CLIP2: variants seen among roughly 807,000 people sequenced by gnomAD.
CLIP2 encodes the protein CAP-Gly domain containing linker protein 2, also known as CAP-Gly domain-containing linker protein 2.
CLIP2 carries 41 observed loss-of-function variants against 111.7 expected under a neutral mutation model. That is an observed-to-expected ratio of 0.37 (90% CI 0.29 to 0.48). The LOEUF is 0.48. CLIP2 is among the 20% of genes least tolerant of loss of function. CLIP2 has a pLI of 0.99. For missense variants in CLIP2, 1,160 were observed against 1,422.1 expected (o/e 0.82, Z 2.96); for synonymous variants, 660 against 644.2 (o/e 1.02, Z -0.37).
rs370849725 is a variant in CLIP2, at chr7:74,375,958, C to A, written c.1557C>A (p.Ile519=). Residue 519 remains isoleucine (I), a synonymous_variant, in exon 10 of 17, where the codon ATC becomes ATA. Coordinates refer to ENST00000223398, the MANE Select transcript of CLIP2 (RefSeq NM_003388.5). Reference sequence around the variant, plus strand: ...AGCTCACCCTGCGCCGAGGTGAAATCGAGGAGCTCCAGCAGTGCCTGTTGC... The same window carrying A: ...AGCTCACCCTGCGCCGAGGTGAAATAGAGGAGCTCCAGCAGTGCCTGTTGC... ...EEELTLRRGE[I]EELQQCLLHS... 2.5e-6 allele frequency: 4 copies of A among 1,606,878 alleles called. No individual in the cohort carries two copies. The highest frequency in any genetic ancestry group is 1.3e-5 in the African/African-American group (1 of 74,770).
chr7:74,315,905 G>A (rs1554729086), intron 1 of CLIP2, among the ~76,000 whole-genome samples: 1 of 149,710 alleles, frequency 6.7e-6, no homozygotes, highest in East Asian at 2.0e-4. Flanking sequence ...TAAATTCTGG[G>A]ATACATGTGC....
intron 3 of CLIP2, among the ~76,000 whole-genome samples, chr7:74,351,927 G>T (rs940487948): frequency 5.1e-4 from 77 of 152,258 alleles, no homozygotes; most frequent in South Asian, 4.2e-4. Flanking sequence ...CCAGAAAACA[G>T]GAGCAAGCCC....
chr7:74,344,051 G>A (rs1789737783), intron 3 of CLIP2, among the ~76,000 whole-genome samples: 1 of 152,182 alleles, frequency 6.6e-6, no homozygotes, highest in African/African-American at 2.4e-5. Context: ...TGGAGGCTCT[G>A]GGGGTTACTG....
intron 1 of CLIP2, among the ~76,000 whole-genome samples, chr7:74,290,528 C>T (rs1787986160): frequency 6.6e-6 from 1 of 152,244 alleles, no homozygotes; most frequent in South Asian, 2.1e-4. Context: ...CCCAGCCCCA[C>T]CCTGGGAAGG....
chr7:74,329,953 A>C (rs1454942603), intron 2 of CLIP2, among the ~76,000 whole-genome samples: 1 of 151,322 alleles, frequency 6.6e-6, no homozygotes, highest in Non-Finnish European at 1.5e-5. Flanking sequence ...TAATTTTTGT[A>C]GTTTTAGTAG....
Position 74,386,079 on chromosome 7 carries a change from G to A in CLIP2, c.2480-442G>A, listed in dbSNP as rs565872745. 6.1e-4 allele frequency among the ~76,000 whole-genome samples: 76 copies of A among 124,850 alleles called. 1 individual carries two copies. In the Middle Eastern group the frequency reaches 0.019, roughly 31 times the overall value. The allele number at this position is 124,850 out of a possible 152,430, so 81.9% of individuals were successfully genotyped here. ...TTTTTTCTTTTTGAGACCGAGTCTC[G>A]CTGTGTCGCCCAGGCTGGAGTGCAA... On this transcript the variant is annotated intron_variant, in intron 11 of 16. Transcript: ENST00000223398.
chr7:74,304,517 C>T (rs1788423257), intron 1 of CLIP2, among the ~76,000 whole-genome samples: 2 of 149,130 alleles, frequency 1.3e-5, no homozygotes, highest in Non-Finnish European at 3.0e-5. Flanking sequence ...CAGAGGGAGA[C>T]TCTGACAAAA....
chr7:74,346,025 C>A (rs1789787803), intron 3 of CLIP2, among the ~76,000 whole-genome samples: 1 of 152,112 alleles, frequency 6.6e-6, no homozygotes, highest in African/African-American at 2.4e-5. Context: ...GTTGTCCAGG[C>A]TGGAGTGCAG....
chr7:74,299,871 A>G (rs2116454450), intron 1 of CLIP2, among the ~76,000 whole-genome samples: 1 of 148,346 alleles, frequency 6.7e-6, no homozygotes, highest in Admixed American at 6.8e-5. Context: ...CTAATTTTGT[A>G]TTTTTAGTAG....
chr7:74,377,960 C>G (rs561069282), intron 10 of CLIP2, among the ~76,000 whole-genome samples: 51 of 151,846 alleles, frequency 3.4e-4, no homozygotes, highest in Non-Finnish European at 2.5e-4. Flanking sequence ...CAAGTAGCTG[C>G]AATTACAGGC....
At chr7:74,349,447 AG>A (rs1789908437) in intron 3 of CLIP2, among the ~76,000 whole-genome samples, 1 of 75,746 alleles carries the variant, frequency 1.3e-5, no homozygotes, top group African/African-American at 4.9e-5. Context: ...AAAAAAAAAA[AG>A]TATGTATGTG....
intron 1 of CLIP2, among the ~76,000 whole-genome samples, chr7:74,297,112 T>C (rs1294179661): frequency 2.6e-5 from 4 of 152,134 alleles, no homozygotes; most frequent in Admixed American, 6.6e-5. Flanking sequence ...GGGGAAGAGA[T>C]GCATCTGTAC....
chr7:74,388,129 A>C (rs1554315146), intron 12 of CLIP2, among the ~76,000 whole-genome samples: 1 of 152,126 alleles, frequency 6.6e-6, no homozygotes, highest in African/African-American at 2.4e-5. Flanking sequence ...CAGGAGTTTC[A>C]GACCAGCCTG....
chr7:74,379,933 C>T (rs910327944), intron 10 of CLIP2: 6 of 151,826 alleles, frequency 4.0e-5, no homozygotes, highest in South Asian at 4.2e-4. Flanking sequence ...GATATCAGGG[C>T]GAGACTCCTT....
At chr7:74,331,961 C>T (rs1789297760) in intron 2 of CLIP2, among the ~76,000 whole-genome samples, 1 of 151,300 alleles carries the variant, frequency 6.6e-6, no homozygotes, top group Non-Finnish European at 1.5e-5. Context: ...AATGTGGTCA[C>T]ATGTAGGCAG....
In CLIP2 at chr7:74,405,221, C is replaced by T. The variant is rs1472318064; in HGVS notation, c.*1373C>T. Reference sequence around the variant, plus strand: ...TGGCCCTGCAGCCTCCACCTCGCCGCTGGGGGACCAACAGGTTGCTTACAG... The same window carrying T: ...TGGCCCTGCAGCCTCCACCTCGCCGTTGGGGGACCAACAGGTTGCTTACAG... On this transcript the variant is annotated 3_prime_UTR_variant, in exon 17 of 17. Coordinates refer to ENST00000223398, the MANE Select transcript of CLIP2 (RefSeq NM_003388.5). 1.3e-5 allele frequency: 2 copies of T among 152,352 alleles called. No homozygotes were observed. Among genetic ancestry groups the T allele is most frequent in the Non-Finnish European group, 2.9e-5 (2 of 68,178 alleles). The allele number at this position is 152,352 out of a possible 1,614,324, so 9.4% of individuals were successfully genotyped here.
At chr7:74,320,703 G>A (rs764749454) in intron 2 of CLIP2, among the ~76,000 whole-genome samples, 1 of 152,150 alleles carries the variant, frequency 6.6e-6, no homozygotes, top group Non-Finnish European at 1.5e-5. Context: ...ATTACCATGC[G>A]TGGGCAATCA....
At chr7:74,329,221 C>A (rs1244354860) in intron 2 of CLIP2, among the ~76,000 whole-genome samples, 1 of 151,678 alleles carries the variant, frequency 6.6e-6, no homozygotes, top group Non-Finnish European at 1.5e-5. Context: ...CCACCGCACC[C>A]GGCCATTTTT....
In CLIP2 at chr7:74,326,785, T is replaced by C. The variant is rs142504408; in HGVS notation, c.121+9118T>C. 5.0e-3 allele frequency among the ~76,000 whole-genome samples: 755 copies of C among 151,390 alleles called. 8 individuals are homozygous for C. The highest frequency in any genetic ancestry group is 0.018 in the African/African-American group (730 of 41,182). ...CCAAGTAGCTGGGATTACAGGCATG[T>C]GCCACCACGCCTGGCTAATTTTTGT... is the stretch of plus-strand genomic sequence containing the variant. On this transcript the variant is annotated intron_variant, in intron 2 of 16. Transcript: ENST00000223398.
Sources: allele counts gnomAD v4.1 joint callset (sites outside exome capture counted in the v4.1 genomes callset), GRCh38; gene constraint gnomAD v4.1.1; transcripts MANE v1.5; gene names NCBI Gene and HGNC (gene_info 2026-07-23, HGNC 2026-07-21).